Variants in BMF observed in about 807,000 individuals in gnomAD.
BMF encodes the protein Bcl2 modifying factor, also known as bcl-2-modifying factor.
BMF carries 10 observed loss-of-function variants against 22.0 expected under a neutral mutation model. That is an observed-to-expected ratio of 0.45 (90% CI 0.28 to 0.77). BMF has a LOEUF of 0.77. Ranked by LOEUF, BMF falls within the 30% of genes least tolerant of loss-of-function variation. BMF has a pLI of 0.13. For missense variants in BMF, 206 were observed against 226.8 expected (o/e 0.91, Z 0.59); for synonymous variants, 87 against 88.1 (o/e 0.99, Z 0.07).
intron 3 of BMF, 125 bp downstream of exon 3, chr15:40,105,670 A>T: frequency 8.2e-7 from 1 of 1,220,926 alleles, no homozygotes; most frequent in Non-Finnish European, 1.1e-6. Flanking sequence ...GGTGGAAGTC[A>T]AGGAATCAAC....
intron 4 of BMF, among the ~76,000 whole-genome samples, chr15:40,095,914 G>A (rs1438162598): frequency 6.6e-6 from 1 of 152,176 alleles, no homozygotes; most frequent in East Asian, 1.9e-4. Flanking sequence ...AATCCCTACT[G>A]TGTGCAACAC....
In BMF at chr15:40,091,847, G is replaced by A. The variant is rs755285371; in HGVS notation, c.495C>T (p.Leu165=). The A allele has an allele frequency of 6.2e-7, 1 of 1,611,608 alleles. No individual in the cohort carries two copies. The highest frequency in any genetic ancestry group is 1.1e-5 in the South Asian group (1 of 90,556). Residue 165 remains leucine, a synonymous_variant, in exon 5 of 5, where the codon CTC becomes CTT. Coordinates refer to ENST00000354670, the MANE Select transcript of BMF (RefSeq NM_001003940.2). ...CATTCAAAGCAAGGTTGTGCAGGAA[G>A]AGGAGGATCTGCCACCACACACGAT... ...NQNRVWWQIL[L]FLHNLALNGE...
At chr15:40,095,864 C>T (rs1232425107) in intron 4 of BMF, among the ~76,000 whole-genome samples, 1 of 152,182 alleles carries the variant, frequency 6.6e-6, no homozygotes, top group Non-Finnish European at 1.5e-5. Context: ...ATTTTCTTGC[C>T]ACGGACAGGG....
intron 4 of BMF, among the ~76,000 whole-genome samples, chr15:40,095,664 A>C (rs899419935): frequency 6.6e-6 from 1 of 152,150 alleles, no homozygotes; most frequent in Non-Finnish European, 1.5e-5. Context: ...TGGGATACAG[A>C]GGAGGGGAAG....
chr15:40,096,454 C>T (rs2036363700), intron 4 of BMF, among the ~76,000 whole-genome samples: 1 of 152,188 alleles, frequency 6.6e-6, no homozygotes, highest in Non-Finnish European at 1.5e-5. Flanking sequence ...GAACCTAACT[C>T]ACAAAATGCA....
chr15:40,100,089 C>T (rs958776055), intron 4 of BMF, among the ~76,000 whole-genome samples: 2 of 152,164 alleles, frequency 1.3e-5, no homozygotes, highest in Non-Finnish European at 2.9e-5. Context: ...TTTACTCACT[C>T]GACTGTTTAC....
intron 4 of BMF, among the ~76,000 whole-genome samples, chr15:40,101,190 C>A (rs1268084558): frequency 6.6e-6 from 1 of 152,134 alleles, no homozygotes; most frequent in African/African-American, 2.4e-5. Context: ...CAGGGAGTCC[C>A]CTGCCAGGTG....
chr15:40,104,117 G>A (rs2036535352), intron 4 of BMF, 63 bp downstream of exon 4: 2 of 1,591,292 alleles, frequency 1.3e-6, no homozygotes, highest in African/African-American at 2.7e-5. Context: ...AGAGGAGAGA[G>A]GCAGGCCCTG....
chr15:40,090,665 ATC>A lies in BMF; in HGVS notation c.*1120_*1121del, dbSNP rs1339333194. The A allele has an allele frequency of 2.0e-5, 3 of 152,258 alleles. No homozygotes were observed. Among genetic ancestry groups the A allele is most frequent in the Admixed American group, 1.3e-4 (2 of 15,278 alleles). The allele number at this position is 152,258 out of a possible 1,614,324, so 9.4% of individuals were successfully genotyped here. On this transcript the variant is annotated 3_prime_UTR_variant, in exon 5 of 5. Coordinates refer to ENST00000354670, the MANE Select transcript of BMF (RefSeq NM_001003940.2). ...TTGACGGTTCCCCACTCTAATCGTT[ATC>A]TGTTACTCTAAAAGTCACTTAGCTG...
rs1409195292 is a variant in BMF, at chr15:40,108,308, C to T, written c.-55G>A. ...CGGCCTCCGAGTCGTGATGCCAGGG[C>T]TCCGCGCCAGGGTCCAGCGTGACGA... On this transcript the variant is annotated 5_prime_UTR_variant, in exon 2 of 5. Transcript: ENST00000354670. 6.5e-6 allele frequency: 1 copy of T among 153,086 alleles called. No individual in the cohort carries two copies. The highest frequency in any genetic ancestry group is 1.5e-5 in the Non-Finnish European group (1 of 68,460). The allele number at this position is 153,086 out of a possible 1,614,324, so 9.5% of individuals were successfully genotyped here.
intron 2 of BMF, among the ~76,000 whole-genome samples, chr15:40,107,533 A>AGTGTGTGTGTGTGTGT (rs58296260): frequency 5.1e-5 from 7 of 137,416 alleles, no homozygotes; most frequent in Admixed American, 1.4e-4. Flanking sequence ...GTGTTTCCCA[A>AGTGTGTGTGTGTGTGT]GTGTGTGTGT....
intron 4 of BMF, among the ~76,000 whole-genome samples, chr15:40,096,254 G>A (rs1464487781): frequency 6.9e-6 from 1 of 145,670 alleles, no homozygotes; most frequent in East Asian, 2.0e-4. Flanking sequence ...CACAGCCTCT[G>A]CCCTAAGCAC....
chr15:40,089,096 G>T lies in BMF; in HGVS notation c.*2691C>A, dbSNP rs1369813483. ...CACAAAGCCTCCACCGTCTTCAGCT[G>T]GTTACAGGTCAGGATCCAGGTCAGA... is the stretch of plus-strand genomic sequence containing the variant. On this transcript the variant is annotated 3_prime_UTR_variant, in exon 5 of 5. Transcript: ENST00000354670. 2 of 152,638 alleles carry T rather than the reference G, an allele frequency of 1.3e-5. No homozygotes were observed. Among genetic ancestry groups the T allele is most frequent in the African/African-American group, 4.8e-5 (2 of 41,408 alleles). 9.5% of individuals were successfully genotyped at this position (152,638 alleles called of 1,614,324 possible). A position where few individuals can be genotyped will look rare whatever the true frequency, so the allele number is the denominator to read the frequency against.
At chr15:40,103,446 C>T (rs891734310) in intron 4 of BMF, among the ~76,000 whole-genome samples, 1 of 152,238 alleles carries the variant, frequency 6.6e-6, no homozygotes, top group African/African-American at 2.4e-5. Context: ...AGGCAGCCTC[C>T]AGGCCATGGC....
intron 4 of BMF, among the ~76,000 whole-genome samples, chr15:40,092,547 G>A (rs943759184): frequency 6.6e-6 from 1 of 152,128 alleles, no homozygotes; most frequent in African/African-American, 2.4e-5. Flanking sequence ...AGATGCTCTT[G>A]ACAGTAAGCC....
rs543664213 is a variant in BMF, at chr15:40,093,122, G to C, written c.454-1234C>G. ...GGGGCCCAGGTTGCCTGGACTCCCA[G>C]AGCTTCCAGGTTCTGTCCAGCCCTG... On this transcript the variant is annotated intron_variant, in intron 4 of 4. Transcript: ENST00000354670. Among the ~76,000 whole-genome samples, 196 of 152,336 alleles carry C rather than the reference G, an allele frequency of 1.3e-3. 1 individual carries two copies. The highest frequency in any genetic ancestry group is 2.3e-3 in the Non-Finnish European group (155 of 68,022).
intron 4 of BMF, among the ~76,000 whole-genome samples, chr15:40,096,988 T>G (rs1462866029): frequency 6.6e-6 from 1 of 152,220 alleles, no homozygotes; most frequent in Non-Finnish European, 1.5e-5. Context: ...GATGTGAAGT[T>G]TTCCTCCCTC....
rs1360184233 is a variant in BMF at position 40,088,153 on chromosome 15, A to C, written c.*3634T>G. On this transcript the variant is annotated 3_prime_UTR_variant, in exon 5 of 5. Transcript: ENST00000354670. ...CCTGTGGATCCAGGGATGGGGTAGA[A>C]GGCTAGCAATGCTCCCAGAGCAGGG... 2 of 152,612 alleles carry C rather than the reference A, an allele frequency of 1.3e-5. No homozygotes were observed. The highest frequency in any genetic ancestry group is 6.5e-5 in the Admixed American group (1 of 15,288). 9.5% of individuals were successfully genotyped at this position (152,612 alleles called of 1,614,324 possible).
chr15:40,102,171 G>A (rs911861966), intron 4 of BMF, among the ~76,000 whole-genome samples: 7 of 152,160 alleles, frequency 4.6e-5, no homozygotes, highest in Non-Finnish European at 8.8e-5. Context: ...GCTCACGCCT[G>A]TAGTCCCAGC....
Sources: allele counts gnomAD v4.1 joint callset (sites outside exome capture counted in the v4.1 genomes callset), GRCh38; gene constraint gnomAD v4.1.1; transcripts MANE v1.5; gene names NCBI Gene and HGNC (gene_info 2026-07-23, HGNC 2026-07-21).